The following PLAGL1 variants were observed in gnomAD, a reference collection of about 807,000 sequenced individuals.
PLAGL1 encodes the protein PLAG1 like zinc finger 1, also known as zinc finger protein PLAGL1.
A neutral mutation model predicts 4.6 loss-of-function variants in PLAGL1; 1 was observed. The ratio of observed to expected loss-of-function variants is 0.22; its 90% CI spans 0.08 to 1.03. The LOEUF (loss-of-function observed/expected upper bound fraction) is 1.03. Among genes scored for constraint, PLAGL1 ranks in the 50% least tolerant of loss-of-function variants. The pLI, the probability that PLAGL1 is intolerant of heterozygous loss-of-function variation, is 0.58. For synonymous variants in PLAGL1, 240 were observed against 237.8 expected (o/e 1.01, Z -0.08); for missense variants, 464 against 570.4 (o/e 0.81, Z 1.90).
At position 143,947,218 on chromosome 6, in the gene PLAGL1, C is replaced by A. The variant is rs143629416; in HGVS notation, c.152+767G>T. Among the ~76,000 whole-genome samples the A allele has an allele frequency of 5.3e-3, 802 of 152,272 alleles. 3 individuals carry two copies. Among genetic ancestry groups the A allele is most frequent in the Non-Finnish European group, 8.3e-3 (566 of 68,024 alleles). On this transcript the variant is annotated intron_variant, in intron 7 of 7. Coordinates refer to ENST00000674357, the MANE Select transcript of PLAGL1 (RefSeq NM_001317162.2). The surrounding 1 kb of genome is among the most constrained non-coding windows in gnomAD (Gnocchi z 4.3). ...TCCACTTACTAGGGTGGCTTTCCAC[C>A]CAAGTTGAGAAACTGTGTTCCAAAC...
Position 144,053,475 on chromosome 6 carries a change from A to AT in PLAGL1, c.-151+10992dup, listed in dbSNP as rs1173887118. Among the ~76,000 whole-genome samples the AT allele has an allele frequency of 5.9e-5, 9 of 152,284 alleles. No individual in the cohort carries two copies. The highest frequency in any genetic ancestry group is 2.2e-4 in the African/African-American group (9 of 41,580). ...CTTGAGTAGTTCATTCAAGTATAACATCTTGCTACCACCTATGAGGGATAC... is the reference window on the plus strand; with the variant it reads ...CTTGAGTAGTTCATTCAAGTATAACATTCTTGCTACCACCTATGAGGGATAC... On this transcript the variant is annotated intron_variant, in intron 1 of 3. Transcript: ENST00000437412. This position sits in a 1 kb window ranked among gnomAD's most constrained non-coding sequence, Gnocchi z 4.0.
At chr6:143,944,529 A>G (rs1372776688) in intron 7 of PLAGL1, among the ~76,000 whole-genome samples, 1 of 152,198 alleles carries the variant, frequency 6.6e-6, no homozygotes, top group African/African-American at 2.4e-5. Flanking sequence ...TTGTTTGCAC[A>G]TAAATGATAA....
chr6:143,941,490 G>C lies in PLAGL1; in HGVS notation c.1326C>G (p.Ile442Met). Reference sequence around the variant, plus strand: ...CAGTGCCAGCTGAGAACACATGAGGGATGGGGGGCAGGGGGAGCTGGCCCA... The same window carrying C: ...CAGTGCCAGCTGAGAACACATGAGGCATGGGGGGCAGGGGGAGCTGGCCCA... ...VSLGQLPLPPIPHVFSAGTGS... is the reference protein window; with the variant it reads ...VSLGQLPLPPMPHVFSAGTGS... The change falls in exon 8 of 8, where the codon ATC (isoleucine) becomes ATG (methionine). Residue 442 changes from isoleucine (I) to methionine (M), a missense_variant. Coordinates refer to ENST00000674357, the MANE Select transcript of PLAGL1 (RefSeq NM_001317162.2). This position sits in a 1 kb window ranked among gnomAD's most constrained non-coding sequence, Gnocchi z 6.0. 1 of 1,525,398 alleles carries C rather than the reference G, an allele frequency of 6.6e-7. No individual in the cohort carries two copies. The highest frequency in any genetic ancestry group is 1.4e-5 in the African/African-American group (1 of 72,182). The allele number at this position is 1,525,398 out of a possible 1,614,324, so 94.5% of individuals were successfully genotyped here.
At chr6:144,020,582 G>A (rs1300899786) in intron 1 of PLAGL1, among the ~76,000 whole-genome samples, 2 of 151,708 alleles carry the variant, frequency 1.3e-5, no homozygotes, top group East Asian at 1.9e-4. Context: ...CACCACGCCC[G>A]GCCCTTTGTT....
Position 144,004,737 on chromosome 6 carries a change from G to C in PLAGL1, c.-584+3353C>G, listed in dbSNP as rs1249065436. Among the ~76,000 whole-genome samples, 5 of 151,920 alleles carry C rather than the reference G, an allele frequency of 3.3e-5. No homozygotes were observed. The highest frequency in any genetic ancestry group is 7.4e-5 in the Non-Finnish European group (5 of 67,984). On this transcript the variant is annotated intron_variant, in intron 1 of 7. Transcript: ENST00000674357. The surrounding 1 kb of genome is among the most constrained non-coding windows in gnomAD (Gnocchi z 4.2). ...TAAATTATAGAACTAAAAAACATAT[G>C]TAGAATTCAACATGGATAAAAAATA... is the stretch of plus-strand genomic sequence containing the variant.
intron 1 of PLAGL1, among the ~76,000 whole-genome samples, chr6:144,021,415 C>A (rs2128698542): frequency 6.6e-6 from 1 of 152,180 alleles, no homozygotes; most frequent in Middle Eastern, 3.4e-3. Flanking sequence ...ACTTTGTGAA[C>A]CTTTCTAATA....
rs762687990 is a variant in PLAGL1, at chr6:143,973,749, G to A, written c.-543-4771C>T. On this transcript the variant is annotated intron_variant, in intron 2 of 7. Transcript: ENST00000674357. The surrounding 1 kb of genome is among the most constrained non-coding windows in gnomAD (Gnocchi z 6.2). ...GTTCACTGCTGTGCTAAAGCCAGTCGGCTACACCCAATAAGCTACTACAAC... is the reference window on the plus strand; with the variant it reads ...GTTCACTGCTGTGCTAAAGCCAGTCAGCTACACCCAATAAGCTACTACAAC... 4.6e-5 allele frequency among the ~76,000 whole-genome samples: 7 copies of A among 152,142 alleles called. No individual in the cohort carries two copies. The highest frequency in any genetic ancestry group is 7.3e-5 in the Non-Finnish European group (5 of 68,030).
chr6:144,034,619 A>G lies in PLAGL1; in HGVS notation c.-151+29849T>C, dbSNP rs553100578. Among the ~76,000 whole-genome samples the G allele has an allele frequency of 2.6e-5, 4 of 152,356 alleles. No homozygotes were observed. Among genetic ancestry groups the G allele is most frequent in the East Asian group, 3.9e-4 (2 of 5,188 alleles). On this transcript the variant is annotated intron_variant, in intron 1 of 3. Coordinates refer to the PLAGL1 transcript ENST00000437412. This position sits in a 1 kb window ranked among gnomAD's most constrained non-coding sequence, Gnocchi z 4.7. ...GGCCCCGACAAATTGTCATTATGCA[A>G]TAATGAACCTTGGACAGCCAAAATT...
chr6:144,056,136 G>A lies in PLAGL1; in HGVS notation c.-151+8332C>T, dbSNP rs553206951. ...CCTCCAAGGGATCAGTTTGAGAACC[G>A]CTGCTTTATATCTTTTAACACATTC... is the stretch of plus-strand genomic sequence containing the variant. On this transcript the variant is annotated intron_variant, in intron 1 of 3. Transcript: ENST00000437412. This position sits in a 1 kb window ranked among gnomAD's most constrained non-coding sequence, Gnocchi z 4.7. Among the ~76,000 whole-genome samples the A allele has an allele frequency of 1.4e-5, 2 of 138,516 alleles. No individual in the cohort carries two copies. The highest frequency in any genetic ancestry group is 2.4e-4 in the South Asian group (1 of 4,094). The allele number at this position is 138,516 out of a possible 152,430, so 90.9% of individuals were successfully genotyped here.
In PLAGL1 at chr6:144,056,356, T is replaced by G. The variant is rs1371563834; in HGVS notation, c.-151+8112A>C. On this transcript the variant is annotated intron_variant, in intron 1 of 3. Transcript: ENST00000437412. The surrounding 1 kb of genome is among the most constrained non-coding windows in gnomAD (Gnocchi z 4.7). Reference sequence around the variant, plus strand: ...ACCATTATCACCCAGCGTCCATGGTTCACATTCGGGCTCACCTTGACGTTA... The same window carrying G: ...ACCATTATCACCCAGCGTCCATGGTGCACATTCGGGCTCACCTTGACGTTA... Among the ~76,000 whole-genome samples, 3 of 152,170 alleles carry G rather than the reference T, an allele frequency of 2.0e-5. No homozygotes were observed.
At chr6:144,047,409 G>A (rs34047741) in intron 1 of PLAGL1, among the ~76,000 whole-genome samples, 25,734 of 152,060 alleles carry the variant, frequency 0.17, 2,528 homozygotes, top group Middle Eastern at 0.23. Context: ...CTATCTATTA[G>A]TGCATTCTCA....
intron 1 of PLAGL1, among the ~76,000 whole-genome samples, chr6:144,042,332 T>C (rs1468805022): frequency 6.6e-6 from 1 of 152,174 alleles, no homozygotes; most frequent in Non-Finnish European, 1.5e-5. Flanking sequence ...CTTTAATCCA[T>C]CTTGAATTAA....
At chr6:143,974,424 G>GC (rs1786058989) in intron 2 of PLAGL1, among the ~76,000 whole-genome samples, 2 of 151,850 alleles carry the variant, frequency 1.3e-5, no homozygotes, top group African/African-American at 4.8e-5. Context: ...GACCTCCAGG[G>GC]CCATCTATTC....
chr6:143,977,470 C>CTTTTTTTTTTTTTTTTTTT (rs34750629), intron 2 of PLAGL1, among the ~76,000 whole-genome samples: 1 of 69,338 alleles, frequency 1.4e-5, no homozygotes. Context: ...TCTTCTTCTT[C>CTTTTTTTTTTTTTTTTTTT]TTTTTTTTTT....
At chr6:144,018,802 A>G (rs9496838) in intron 1 of PLAGL1, among the ~76,000 whole-genome samples, 4,384 of 152,318 alleles carry the variant, frequency 0.029, 231 homozygotes, top group African/African-American at 0.099. Flanking sequence ...CACATCACAT[A>G]TGTAGTATTC....
chr6:144,047,001 G>A (rs1007311021), intron 1 of PLAGL1, among the ~76,000 whole-genome samples: 2 of 152,242 alleles, frequency 1.3e-5, no homozygotes, highest in African/African-American at 4.8e-5. Context: ...GACCCGCTGA[G>A]CCAGGAGCAG....
At position 143,990,997 on chromosome 6, in the gene PLAGL1, G is replaced by A. The variant is rs953010661; in HGVS notation, c.-583-5823C>T. Among the ~76,000 whole-genome samples, 5 of 152,204 alleles carry A rather than the reference G, an allele frequency of 3.3e-5. No homozygotes were observed. The highest frequency in any genetic ancestry group is 4.4e-5 in the Non-Finnish European group (3 of 68,034). On this transcript the variant is annotated intron_variant, in intron 1 of 7. Coordinates refer to ENST00000674357, the MANE Select transcript of PLAGL1 (RefSeq NM_001317162.2). The surrounding 1 kb of genome is among the most constrained non-coding windows in gnomAD (Gnocchi z 5.4). ...GCCCCTTTGTACAAATAAGAAAATT[G>A]TGGCGGAGAAAGAATAAAACCTTTC...
At chr6:144,043,105 T>C (rs1173822746) in intron 1 of PLAGL1, among the ~76,000 whole-genome samples, 1 of 152,196 alleles carries the variant, frequency 6.6e-6, no homozygotes, top group African/African-American at 2.4e-5. Context: ...AAATATACAA[T>C]CATATCATCT....
chr6:143,944,783 CTT>C (rs34085526), intron 7 of PLAGL1, among the ~76,000 whole-genome samples: 62,990 of 144,958 alleles, frequency 0.43, 13,752 homozygotes, highest in East Asian at 0.66. Flanking sequence ...GTATTTAAAC[CTT>C]TTTTTTTTTT....
Sources: allele counts gnomAD v4.1 joint callset (sites outside exome capture counted in the v4.1 genomes callset), GRCh38; gene constraint gnomAD v4.1.1; non-coding constraint Gnocchi (gnomAD v3.1); transcripts MANE v1.5; gene names NCBI Gene and HGNC (gene_info 2026-07-23, HGNC 2026-07-21).